The following GDI2 variants were observed in gnomAD, a reference collection of about 807,000 sequenced individuals.
GDI2 encodes GDP dissociation inhibitor 2, also known as rab GDP dissociation inhibitor beta.
A neutral mutation model predicts 54.2 loss-of-function variants in GDI2; 22 were observed. That is an observed-to-expected ratio of 0.41 (90% CI 0.29 to 0.58). The LOEUF is 0.58. Among genes scored for constraint, GDI2 ranks in the 20% least tolerant of loss-of-function variants. The pLI is 0.35. For missense variants in GDI2, 422 were observed against 546.0 expected (o/e 0.77, Z 2.26); for synonymous variants, 177 against 182.1 (o/e 0.97, Z 0.23).
intron 2 of GDI2, among the ~76,000 whole-genome samples, chr10:5,797,184 G>C (rs1316397187): frequency 6.6e-6 from 1 of 152,132 alleles, no homozygotes; most frequent in African/African-American, 2.4e-5. Flanking sequence ...CATGAGGCGG[G>C]TGGATCCCTT....
rs1479697586 is a variant in GDI2 at position 5,811,659 on chromosome 10, A to T, written c.45+1555T>A. 1.5e-3 allele frequency among the ~76,000 whole-genome samples: 19 copies of T among 12,312 alleles called. No individual in the cohort carries two copies. In the South Asian group the frequency reaches 0.017, roughly 11 times the overall value. The allele number at this position is 12,312 out of a possible 152,430, so 8.1% of individuals were successfully genotyped here. ...GCTTGGAATCCCAATTAGGCACTTA[A>T]AAAAAAAAAAAAAAAAGCACAAAAC... On this transcript the variant is annotated intron_variant, in intron 1 of 10. Coordinates refer to ENST00000380191, the MANE Select transcript of GDI2 (RefSeq NM_001494.4).
rs772114152 is a variant in GDI2, at chr10:5,765,754, G to A, written c.*252C>T. 22 of 368,530 alleles carry A rather than the reference G, an allele frequency of 6.0e-5. No individual in the cohort carries two copies. Among genetic ancestry groups the A allele is most frequent in the Non-Finnish European group, 9.1e-5 (20 of 220,572 alleles). 22.8% of individuals were successfully genotyped at this position (368,530 alleles called of 1,614,324 possible). A position where few individuals can be genotyped will look rare whatever the true frequency, so the allele number is the denominator to read the frequency against. Reference sequence around the variant, plus strand: ...TGTCTGTGTCGGTATCCCAATGTTTGTTTAACTTCACTAGAAAAAAAAAAA... The same window carrying A: ...TGTCTGTGTCGGTATCCCAATGTTTATTTAACTTCACTAGAAAAAAAAAAA... On this transcript the variant is annotated 3_prime_UTR_variant, in exon 11 of 11. Coordinates refer to ENST00000380191, the MANE Select transcript of GDI2 (RefSeq NM_001494.4).
chr10:5,772,564 C>T (rs1428912115), intron 7 of GDI2, among the ~76,000 whole-genome samples: 1 of 152,116 alleles, frequency 6.6e-6, no homozygotes, highest in Non-Finnish European at 1.5e-5. Context: ...CGAGACCAGC[C>T]TGGCCAACAT....
chr10:5,801,596 A>C (rs1353568371), intron 1 of GDI2, among the ~76,000 whole-genome samples: 2 of 152,144 alleles, frequency 1.3e-5, no homozygotes, highest in African/African-American at 2.4e-5. Flanking sequence ...GAATTGCTTG[A>C]ACCTGGGAGG....
intron 1 of GDI2, among the ~76,000 whole-genome samples, chr10:5,806,507 C>T (rs1020974684): frequency 5.3e-5 from 8 of 151,638 alleles, no homozygotes; most frequent in Non-Finnish European, 7.4e-5. Context: ...TTTAAATGGG[C>T]TTTTTCTCGC....
chr10:5,792,097 G>A (rs1041970237), intron 4 of GDI2, among the ~76,000 whole-genome samples: 2 of 152,010 alleles, frequency 1.3e-5, no homozygotes, highest in Admixed American at 1.3e-4. Context: ...AGAATTAGAA[G>A]GTATGTAATC....
chr10:5,775,657 G>A (rs920623750), intron 6 of GDI2, among the ~76,000 whole-genome samples: 4 of 152,188 alleles, frequency 2.6e-5, no homozygotes, highest in East Asian at 1.9e-4. Flanking sequence ...AGGGAAAAGC[G>A]AAGGAATCCA....
In GDI2 at chr10:5,768,573, GACTC is replaced by G. The variant is rs544875879; in HGVS notation, c.820-193_820-190del. The G allele has an allele frequency of 1.2e-3, 701 of 574,350 alleles. 4 individuals are homozygous for G. Among genetic ancestry groups the G allele is most frequent in the African/African-American group, 0.012 (624 of 53,432 alleles). The allele number at this position is 574,350 out of a possible 1,614,324, so 35.6% of individuals were successfully genotyped here. A position where few individuals can be genotyped will look rare whatever the true frequency, so the allele number is the denominator to read the frequency against. ...TAAAAGAAGAACAGCAAAGCTGGAG[GACTC>G]ACTCACTAAAAAGCTACAGTGATCA... On this transcript the variant is annotated intron_variant, in intron 7 of 10. Transcript: ENST00000380191. The surrounding 1 kb of genome is among the most constrained non-coding windows in gnomAD (Gnocchi z 4.4).
chr10:5,804,772 T>C (rs1025486297), intron 1 of GDI2, among the ~76,000 whole-genome samples: 2 of 152,020 alleles, frequency 1.3e-5, no homozygotes, highest in Non-Finnish European at 2.9e-5. Context: ...CACAGCAGAG[T>C]TGGGCAGCTG....
rs1176721211 is a variant in GDI2, at chr10:5,794,216, T to A, written c.388+669A>T. On this transcript the variant is annotated intron_variant, in intron 4 of 10. Transcript: ENST00000380191. ...ATATATATATATATATATATATATATATATATATATATATATAAAACTCAC... is the reference window on the plus strand; with the variant it reads ...ATATATATATATATATATATATATAAATATATATATATATATAAAACTCAC... 8.4e-3 allele frequency among the ~76,000 whole-genome samples: 885 copies of A among 104,892 alleles called. 36 individuals carry two copies. The highest frequency in any genetic ancestry group is 0.014 in the Non-Finnish European group (683 of 49,516). The allele number at this position is 104,892 out of a possible 152,430, so 68.8% of individuals were successfully genotyped here.
At chr10:5,791,111 G>C (rs1231252583) in intron 4 of GDI2, among the ~76,000 whole-genome samples, 1 of 152,108 alleles carries the variant, frequency 6.6e-6, no homozygotes, top group Non-Finnish European at 1.5e-5. Context: ...GGGCAGCATA[G>C]CAAGACCTCA....
chr10:5,811,094 T>C (rs1241903412), intron 1 of GDI2, among the ~76,000 whole-genome samples: 1 of 152,240 alleles, frequency 6.6e-6, no homozygotes, highest in Non-Finnish European at 1.5e-5. Flanking sequence ...TTTCTCTTCT[T>C]CTAATTTTTA....
Position 5,785,269 on chromosome 10 carries a change from A to T in GDI2, c.592T>A (p.Leu198Ile). Residue 198 changes from leucine (L) to isoleucine (I), a missense_variant, in exon 6 of 11, where the codon TTA (leucine) becomes ATA (isoleucine). Coordinates refer to ENST00000380191, the MANE Select transcript of GDI2 (RefSeq NM_001494.4). ...ALALYRTDDY[L>I]DQPCYETINR... ...ATGGTTTCATAACACGGTTGATCTA[A>T]GTAACTGGAAGAAAGGAAATGAGTA... is the stretch of plus-strand genomic sequence containing the variant. 6.3e-7 allele frequency: 1 copy of T among 1,588,958 alleles called. No individual in the cohort carries two copies.
At chr10:5,785,100 A>C in intron 6 of GDI2, 42 bp downstream of exon 6, 1 of 1,449,534 alleles carries the variant, frequency 6.9e-7, no homozygotes, top group Admixed American at 2.1e-5. Context: ...TATGTTGAAG[A>C]TGAGGTTTTG....
chr10:5,804,844 T>A (rs935021010), intron 1 of GDI2, among the ~76,000 whole-genome samples: 19 of 152,128 alleles, frequency 1.2e-4, no homozygotes, highest in Middle Eastern at 6.8e-3. Context: ...TTTTTTTTTT[T>A]TTATTAAAGA....
chr10:5,770,180 T>TA (rs1219295113), intron 7 of GDI2, among the ~76,000 whole-genome samples: 7 of 150,328 alleles, frequency 4.7e-5, no homozygotes, highest in Admixed American at 4.7e-4. Context: ...GTTAAAATCA[T>TA]AGAGAAAGAA....
At chr10:5,775,292 A>C (rs1237776466) in intron 6 of GDI2, among the ~76,000 whole-genome samples, 2 of 152,228 alleles carry the variant, frequency 1.3e-5, no homozygotes, top group African/African-American at 4.8e-5. Flanking sequence ...TGTCTCAAAA[A>C]AAGATAGTAA....
chr10:5,789,030 G>A (rs1390620554), intron 4 of GDI2, among the ~76,000 whole-genome samples: 3 of 152,038 alleles, frequency 2.0e-5, no homozygotes, highest in African/African-American at 4.8e-5. Context: ...GCCTCCCAAA[G>A]TGCTGGGATG....
At chr10:5,786,165 A>ATATT in intron 4 of GDI2, 115 bp from the exon 5 acceptor site, 2 of 385,164 alleles carry the variant, frequency 5.2e-6, no homozygotes, top group Non-Finnish European at 9.0e-6. Flanking sequence ...GCAGGATGCA[A>ATATT]TTTTTTTTTT....
Sources: allele counts gnomAD v4.1 joint callset (sites outside exome capture counted in the v4.1 genomes callset), GRCh38; gene constraint gnomAD v4.1.1; non-coding constraint Gnocchi (gnomAD v3.1); transcripts MANE v1.5; gene names NCBI Gene and HGNC (gene_info 2026-07-23, HGNC 2026-07-21).